The following FANCI variants were observed in gnomAD, a reference collection of about 807,000 sequenced individuals.
FANCI encodes the protein Fanconi anemia group I protein.
In FANCI, 156 loss-of-function variants were observed where a neutral mutation model predicts 176.1. The observed-to-expected ratio is 0.89, with a 90% CI of 0.78 to 1.01. FANCI has a LOEUF of 1.01. Ranked by LOEUF, FANCI falls within the 50% of genes least tolerant of loss-of-function variation. The pLI, the probability that FANCI is intolerant of heterozygous loss-of-function variation, is 0.00. For missense variants in FANCI, 1,678 were observed against 1,534.1 expected, an observed-to-expected ratio of 1.09 and a Z score of -1.57; for synonymous variants, 613 against 541.7, an observed-to-expected ratio of 1.13 and a Z score of -1.83.
chr15:89,249,766 A>T (rs1216787095), intron 2 of FANCI, among the ~76,000 whole-genome samples: 1 of 152,250 alleles, frequency 6.6e-6, no homozygotes, highest in Non-Finnish European at 1.5e-5. Context: ...GTGGTTTAAC[A>T]GTAGACAAAA....
chr15:89,290,404 A>T, intron 19 of FANCI, 123 bp downstream of exon 19: 1 of 777,970 alleles, frequency 1.3e-6, no homozygotes, highest in Non-Finnish European at 2.2e-6. Context: ...CTTTGTGAAC[A>T]TGCTGTGGGT....
In FANCI at chr15:89,278,735, G is replaced by T; in HGVS notation, c.1342G>T (p.Val448Phe). The change falls in exon 14 of 38, where the codon GTT (valine) becomes TTT (phenylalanine). Residue 448 changes from valine to phenylalanine, a missense_variant. Transcript: ENST00000310775. ...QEILEQVLNR[V>F]VTRASSPISH... Reference sequence around the variant, plus strand: ...AATTTTGGAGCAGGTCCTCAACAGGGTTGTTACCAGAGCATCTTCTCCCAT... The same window carrying T: ...AATTTTGGAGCAGGTCCTCAACAGGTTTGTTACCAGAGCATCTTCTCCCAT... 1 of 1,613,952 alleles carries T rather than the reference G, an allele frequency of 6.2e-7. No individual in the cohort carries two copies. Among genetic ancestry groups the T allele is most frequent in the South Asian group, 1.1e-5 (1 of 91,074 alleles).
At chr15:89,316,317 GTC>G (rs1490942672) in intron 37 of FANCI, 78 bp from the exon 38 acceptor site, 1 of 1,374,974 alleles carries the variant, frequency 7.3e-7, no homozygotes, top group Non-Finnish European at 1.0e-6. Context: ...AGAAGATAGA[GTC>G]TTTTTTTTCC....
intron 15 of FANCI, 92 bp from the exon 16 acceptor site, chr15:89,281,673 T>C: frequency 8.5e-7 from 1 of 1,173,476 alleles, no homozygotes; most frequent in Non-Finnish European, 1.3e-6. Flanking sequence ...GTAAGCTTCC[T>C]TATAGAAGCC....
Position 89,277,364 on chromosome 15 carries a change from C to T in FANCI, c.1293+473C>T, listed in dbSNP as rs142486268. Reference sequence around the variant, plus strand: ...GGCATGGTGGCTCAAGCCTATAATCCCAACACTTTGGGAGGCTGAGGTGGG... The same window carrying T: ...GGCATGGTGGCTCAAGCCTATAATCTCAACACTTTGGGAGGCTGAGGTGGG... On this transcript the variant is annotated intron_variant, in intron 13 of 37. Transcript: ENST00000310775. 6.8e-3 allele frequency among the ~76,000 whole-genome samples: 1,028 copies of T among 151,964 alleles called. 15 individuals are homozygous for T. Among genetic ancestry groups the T allele is most frequent in the African/African-American group, 0.024 (983 of 41,452 alleles).
chr15:89,267,274 T>G (rs2053003362), intron 9 of FANCI, among the ~76,000 whole-genome samples: 2 of 151,404 alleles, frequency 1.3e-5, no homozygotes, highest in Admixed American at 1.3e-4. Context: ...GAGCTGAGAT[T>G]GCACCTTTGC....
At chr15:89,285,711 T>C (rs575179503) in intron 18 of FANCI, among the ~76,000 whole-genome samples, 6 of 149,596 alleles carry the variant, frequency 4.0e-5, no homozygotes, top group African/African-American at 1.2e-4. Flanking sequence ...ACTATAAATT[T>C]GCCAGTCTTA....
At chr15:89,265,716 G>T (rs1245313263) in intron 9 of FANCI, among the ~76,000 whole-genome samples, 1 of 151,356 alleles carries the variant, frequency 6.6e-6, no homozygotes, top group Non-Finnish European at 1.5e-5. Flanking sequence ...GTAGCGATGG[G>T]GTTTCACCAT....
In FANCI at chr15:89,300,387, TGA is replaced by T; in HGVS notation, c.2889+5_2889+6del. ...GCATTCCAGATCCGGCAATTTCAGG[TGA>T]GAAGCCTTGCAAAGCTGCTGTACTG... On this transcript the variant is annotated splice_donor_region_variant and intron_variant, in intron 26 of 37. Transcript: ENST00000310775. 1 of 1,613,108 alleles carries T rather than the reference TGA, an allele frequency of 6.2e-7. No homozygotes were observed. The highest frequency in any genetic ancestry group is 8.5e-7 in the Non-Finnish European group (1 of 1,179,338).
intron 22 of FANCI, among the ~76,000 whole-genome samples, chr15:89,293,325 A>G (rs1246695204): frequency 6.6e-6 from 1 of 152,178 alleles, no homozygotes; most frequent in Non-Finnish European, 1.5e-5. Flanking sequence ...AAGAACTCCT[A>G]ATTTTAACAT....
intron 17 of FANCI, among the ~76,000 whole-genome samples, chr15:89,283,876 C>T (rs2053715926): frequency 6.6e-6 from 1 of 151,878 alleles, no homozygotes; most frequent in South Asian, 2.1e-4. Flanking sequence ...CATTCTCCTG[C>T]CTCAGCCTCC....
intron 19 of FANCI, among the ~76,000 whole-genome samples, chr15:89,290,932 T>C (rs907211463): frequency 6.6e-6 from 1 of 152,238 alleles, no homozygotes; most frequent in African/African-American, 2.4e-5. Flanking sequence ...GGCCTTAGGC[T>C]TGATCCTATA....
At chr15:89,295,752 T>G (rs148335427) in intron 24 of FANCI, among the ~76,000 whole-genome samples, 1,600 of 144,808 alleles carry the variant, frequency 0.011, 50 homozygotes, top group Middle Eastern at 0.038. Flanking sequence ...CCTTTTTTTT[T>G]TTGTTGTTGT....
At chr15:89,297,312 A>G (rs2054334853) in intron 24 of FANCI, among the ~76,000 whole-genome samples, 1 of 148,448 alleles carries the variant, frequency 6.7e-6, no homozygotes, top group Non-Finnish European at 1.5e-5. Flanking sequence ...CACCTCCTAG[A>G]TGGGATTGCG....
chr15:89,274,989 C>T (rs986731264), intron 12 of FANCI, among the ~76,000 whole-genome samples: 26 of 151,618 alleles, frequency 1.7e-4, no homozygotes, highest in African/African-American at 6.3e-4. Context: ...TATTATAGCA[C>T]GGTAAAGCCT....
intron 12 of FANCI, 124 bp downstream of exon 12, chr15:89,274,428 TC>T: frequency 1.9e-6 from 2 of 1,056,348 alleles, no homozygotes. Flanking sequence ...ACGTCACACA[TC>T]GAGGTTCATT....
chr15:89,263,188 G>C (rs2052788385), intron 6 of FANCI, among the ~76,000 whole-genome samples: 1 of 152,180 alleles, frequency 6.6e-6, no homozygotes, highest in Non-Finnish European at 1.5e-5. Context: ...TGTGAATAGA[G>C]TTTGTTTTCC....
intron 2 of FANCI, among the ~76,000 whole-genome samples, chr15:89,252,063 G>C (rs2052276531): frequency 6.6e-6 from 1 of 152,192 alleles, no homozygotes; most frequent in African/African-American, 2.4e-5. Context: ...GCTTTGGGAG[G>C]CCAAGGTGGG....
chr15:89,292,372 G>T (rs2151719137), intron 20 of FANCI, among the ~76,000 whole-genome samples: 1 of 152,248 alleles, frequency 6.6e-6, no homozygotes, highest in South Asian at 2.1e-4. Flanking sequence ...AATAGCCTCT[G>T]GGACTCAAAT....
Sources: gnomAD v4.1 joint callset for allele counts (sites outside exome capture counted in the v4.1 genomes callset) on GRCh38, gnomAD v4.1.1 for gene constraint, MANE v1.5 for transcripts, NCBI Gene and HGNC (gene_info 2026-07-23, HGNC 2026-07-21) for gene names.